SNRNP40: variants seen among roughly 807,000 people sequenced by gnomAD.
SNRNP40 encodes the protein small nuclear ribonucleoprotein U5 subunit 40.
Under a neutral mutation model 45.8 loss-of-function variants are expected in SNRNP40, and 21 were observed. The observed-to-expected ratio is 0.46, with a 90% CI of 0.32 to 0.66. The LOEUF (loss-of-function observed/expected upper bound fraction) is 0.66. SNRNP40 is among the 30% of genes least tolerant of loss of function. SNRNP40 has a pLI of 0.03. For missense variants in SNRNP40, 344 were observed against 439.1 expected, an observed-to-expected ratio of 0.78 and a Z score of 1.94; for synonymous variants, 142 against 163.8, an observed-to-expected ratio of 0.87 and a Z score of 1.01.
chr1:31,262,931 C>T (rs907439777), intron 8 of SNRNP40, among the ~76,000 whole-genome samples: 3 of 150,186 alleles, frequency 2.0e-5, no homozygotes, highest in Admixed American at 6.6e-5. Context: ...GAGTCCAGCA[C>T]GTAGAGGCTG....
At chr1:31,262,254 T>C (rs1254338511) in intron 8 of SNRNP40, among the ~76,000 whole-genome samples, 1 of 152,052 alleles carries the variant, frequency 6.6e-6, no homozygotes. Context: ...GAGTGGTGGC[T>C]CATGCCTGTA....
chr1:31,269,142 G>T lies in SNRNP40; in HGVS notation c.858+16C>A. ...AGTAAATGAACAGTAAAACTCCTCT[G>T]CCATGCAGAACTCACCTTTTCAAAG... On this transcript the variant is annotated intron_variant, in intron 7 of 9. Transcript: ENST00000263694. The T allele has an allele frequency of 6.3e-7, 1 of 1,575,942 alleles. No homozygotes were observed. Among genetic ancestry groups the T allele is most frequent in the Non-Finnish European group, 8.6e-7 (1 of 1,162,940 alleles).
At position 31,261,647 on chromosome 1, in the gene SNRNP40, G is replaced by C; in HGVS notation, c.921-15C>G. 1.3e-6 allele frequency: 2 copies of C among 1,568,268 alleles called. No individual in the cohort carries two copies. Among genetic ancestry groups the C allele is most frequent in the Non-Finnish European group, 1.8e-6 (2 of 1,138,240 alleles). ...CATAAACAAACCTGTAAGGTATCAT[G>C]AAAAGCAAGGGTAAGTCCTCTTAGA... On this transcript the variant is annotated splice_polypyrimidine_tract_variant and intron_variant, in intron 8 of 9. Coordinates refer to ENST00000263694, the MANE Select transcript of SNRNP40 (RefSeq NM_004814.3).
intron 5 of SNRNP40, among the ~76,000 whole-genome samples, chr1:31,277,486 T>A (rs893666684): frequency 1.3e-5 from 2 of 152,242 alleles, no homozygotes. Context: ...GCAAATTTTA[T>A]ATCTGCATAA....
Position 31,289,226 on chromosome 1 carries a change from A to C in SNRNP40, c.531+28T>G, listed in dbSNP as rs771665301. ...AAGGTTCACATCACATCACCTCAGA[A>C]ACTGGAACACGGAGAGACAATACCC... On this transcript the variant is annotated intron_variant, in intron 4 of 9. Transcript: ENST00000263694. 5.6e-6 allele frequency: 9 copies of C among 1,608,746 alleles called. No homozygotes were observed. The Admixed American group carries it at 6.7e-5, about 12-fold the overall frequency.
At chr1:31,291,761 C>A in intron 3 of SNRNP40, 152 bp downstream of exon 3, 1 of 596,280 alleles carries the variant, frequency 1.7e-6, no homozygotes, top group Non-Finnish European at 3.0e-6. Context: ...CTATAAACAC[C>A]TCACTTGGGG....
At chr1:31,294,697 T>G (rs1444493584) in intron 1 of SNRNP40, among the ~76,000 whole-genome samples, 2 of 152,060 alleles carry the variant, frequency 1.3e-5, no homozygotes. Context: ...CCCAGCACTT[T>G]GGGAGGCTGA....
At chr1:31,271,692 C>T (rs936190881) in intron 5 of SNRNP40, among the ~76,000 whole-genome samples, 193 bp from the exon 6 acceptor site, 2 of 152,012 alleles carry the variant, frequency 1.3e-5, no homozygotes, top group Non-Finnish European at 2.9e-5. Context: ...ACTCTGTTGC[C>T]CAGTGCAGTG....
chr1:31,270,160 A>G (rs1165550038), intron 6 of SNRNP40, among the ~76,000 whole-genome samples: 4 of 152,182 alleles, frequency 2.6e-5, no homozygotes, highest in Non-Finnish European at 4.4e-5. Flanking sequence ...TGCCCAGCCA[A>G]TAACACTATT....
intron 9 of SNRNP40, chr1:31,260,967 G>A: frequency 1.7e-6 from 2 of 1,176,130 alleles, no homozygotes; most frequent in East Asian, 7.8e-5. Flanking sequence ...ACTTCCCTTT[G>A]AGATCAAGAA....
At chr1:31,269,412 C>G (rs1055451309) in intron 6 of SNRNP40, 172 bp from the exon 7 acceptor site, 59 of 1,364,284 alleles carry the variant, frequency 4.3e-5, no homozygotes, top group African/African-American at 1.5e-5. Flanking sequence ...CTTTTTCAAG[C>G]AGGAAAACAC....
At chr1:31,289,569 C>A in intron 3 of SNRNP40, 150 bp from the exon 4 acceptor site, 1 of 657,464 alleles carries the variant, frequency 1.5e-6, no homozygotes. Context: ...ATGCCTCACC[C>A]TACCAAAATC....
chr1:31,277,755 C>A (rs1226020376), intron 5 of SNRNP40, among the ~76,000 whole-genome samples: 1 of 152,180 alleles, frequency 6.6e-6, no homozygotes, highest in Non-Finnish European at 1.5e-5. Context: ...AGTGCAGTGG[C>A]ACGATCTTGG....
At position 31,271,632 on chromosome 1, in the gene SNRNP40, G is replaced by A. The variant is rs972738619; in HGVS notation, c.655-133C>T. 1.5e-5 allele frequency: 13 copies of A among 853,382 alleles called. 1 individual carries two copies. The highest frequency in any genetic ancestry group is 3.9e-5 in the South Asian group (2 of 51,270). The allele number at this position is 853,382 out of a possible 1,614,324, so 52.9% of individuals were successfully genotyped here. Reference sequence around the variant, plus strand: ...TATAAAACACAGGATTTCTGTCAAAGAGAAAAACACCTTTTTTTAATTTTC... The same window carrying A: ...TATAAAACACAGGATTTCTGTCAAAAAGAAAAACACCTTTTTTTAATTTTC... On this transcript the variant is annotated intron_variant, in intron 5 of 9. Transcript: ENST00000263694.
In SNRNP40 at chr1:31,291,870, A is replaced by G. The variant is rs559737439; in HGVS notation, c.365+43T>C. On this transcript the variant is annotated intron_variant, in intron 3 of 9. Transcript: ENST00000263694. The stretch of plus-strand genomic sequence containing the variant: ...GGATGAAAGGTGAAAGGACGCCAAG[A>G]ATTAGTATGAGAAGCTGTCCTTCCA... The G allele has an allele frequency of 9.3e-5, 126 of 1,359,380 alleles. No individual in the cohort carries two copies. The East Asian group carries it at 2.0e-3, about 21-fold the overall frequency. The allele number at this position is 1,359,380 out of a possible 1,614,324, so 84.2% of individuals were successfully genotyped here.
intron 8 of SNRNP40, among the ~76,000 whole-genome samples, 156 bp downstream of exon 8, chr1:31,267,715 A>G (rs1252091266): frequency 2.0e-5 from 3 of 152,066 alleles, no homozygotes; most frequent in Admixed American, 1.3e-4. Flanking sequence ...TTGTATTTTT[A>G]GTAGGGATGG....
chr1:31,275,831 A>G (rs1490886345), intron 5 of SNRNP40, among the ~76,000 whole-genome samples: 5 of 152,252 alleles, frequency 3.3e-5, no homozygotes, highest in African/African-American at 1.2e-4. Flanking sequence ...ACATTGTATT[A>G]ACTGCTCCTG....
At chr1:31,282,652 GTGTC>G (rs1326626645) in intron 4 of SNRNP40, among the ~76,000 whole-genome samples, 1 of 150,110 alleles carries the variant, frequency 6.7e-6, no homozygotes, top group African/African-American at 2.5e-5. Flanking sequence ...ATGTATCTAT[GTGTC>G]TATCTATCTA....
Position 31,276,318 on chromosome 1 carries a change from T to C in SNRNP40, c.655-4819A>G, listed in dbSNP as rs202151089. Among the ~76,000 whole-genome samples, 4 of 152,294 alleles carry C rather than the reference T, an allele frequency of 2.6e-5. No homozygotes were observed. The East Asian group carries it at 7.7e-4, about 29-fold the overall frequency. On this transcript the variant is annotated intron_variant, in intron 5 of 9. Transcript: ENST00000263694. The stretch of plus-strand genomic sequence containing the variant: ...TAAGCACAGGAATTCAAGGTTACAG[T>C]GAGCTATGATTCCACCACCACATTG...
Sources: gnomAD v4.1 joint callset for allele counts (sites outside exome capture counted in the v4.1 genomes callset) on GRCh38, gnomAD v4.1.1 for gene constraint, MANE v1.5 for transcripts, NCBI Gene and HGNC (gene_info 2026-07-23, HGNC 2026-07-21) for gene names.